SNAP25: variants seen among roughly 807,000 people sequenced by gnomAD.
SNAP25 encodes the protein synaptosomal-associated protein 25.
Under a neutral mutation model 28.7 loss-of-function variants are expected in SNAP25, and 3 were observed. That is an observed-to-expected ratio of 0.10 (90% CI 0.05 to 0.27). The LOEUF (loss-of-function observed/expected upper bound fraction) is 0.27. Ranked by LOEUF, SNAP25 falls within the 10% of genes least tolerant of loss-of-function variation. SNAP25 has a pLI of 1.00. For synonymous variants in SNAP25, 61 were observed against 88.1 expected (o/e 0.69, Z 1.72); for missense variants, 117 against 278.7 (o/e 0.42, Z 4.13).
At chr20:10,254,041 A>C (rs901108931) in intron 1 of SNAP25, among the ~76,000 whole-genome samples, 1 of 152,162 alleles carries the variant, frequency 6.6e-6, no homozygotes, top group Non-Finnish European at 1.5e-5. Flanking sequence ...GCTCAGCCTG[A>C]GCTACAAGAT....
At chr20:10,224,961 A>G (rs2062708776) in intron 1 of SNAP25, among the ~76,000 whole-genome samples, 1 of 152,054 alleles carries the variant, frequency 6.6e-6, no homozygotes, top group African/African-American at 2.4e-5. Context: ...CAAAGAGGAA[A>G]CAGAAGCTTT....
intron 5 of SNAP25, among the ~76,000 whole-genome samples, chr20:10,295,652 AAAG>A (rs1204568394): frequency 6.6e-6 from 1 of 151,462 alleles, no homozygotes; most frequent in Admixed American, 6.6e-5. Flanking sequence ...TCCTCTGGCG[AAAG>A]AAGAAGATAA....
chr20:10,293,250 T>G lies in SNAP25; in HGVS notation c.253T>G (p.Cys85Gly), dbSNP rs2064036997. 6.2e-7 allele frequency: 1 copy of G among 1,613,966 alleles called. No individual in the cohort carries two copies. Among genetic ancestry groups the G allele is most frequent in the African/African-American group, 1.3e-5 (1 of 74,902 alleles). Residue 85 changes from cysteine to glycine, a missense_variant, in exon 5 of 8, where the codon TGC (cysteine) becomes GGC (glycine). Around this residue, in one of 3 missense-constraint regions of SNAP25, gnomAD observed 88 missense variants for 206.9 expected, o/e 0.43. Transcript: ENST00000254976. The surrounding 1 kb of genome is among the most constrained non-coding windows in gnomAD (Gnocchi z 5.6). ...EKNLTDLGKFCGLCVCPCNKL... is the reference protein window; with the variant it reads ...EKNLTDLGKFGGLCVCPCNKL... Reference sequence around the variant, plus strand: ...GAATTTGACGGACCTAGGAAAATTCTGCGGGCTTTGTGTGTGTCCCTGTAA... The same window carrying G: ...GAATTTGACGGACCTAGGAAAATTCGGCGGGCTTTGTGTGTGTCCCTGTAA...
chr20:10,277,832 G>T lies in SNAP25; in HGVS notation c.114+106G>T. 2.8e-6 allele frequency: 3 copies of T among 1,052,754 alleles called. No individual in the cohort carries two copies. In the South Asian group the frequency reaches 4.0e-5, roughly 14 times the overall value. The allele number at this position is 1,052,754 out of a possible 1,614,324, so 65.2% of individuals were successfully genotyped here. A position where few individuals can be genotyped will look rare whatever the true frequency, so the allele number is the denominator to read the frequency against. On this transcript the variant is annotated intron_variant, in intron 3 of 7. Coordinates refer to ENST00000254976, the MANE Select transcript of SNAP25 (RefSeq NM_130811.4). ...TTGGGCCATGATCCCCTAGATTCCAGTGTGGATGTAGCCTATCAGAAAGGC... is the reference window on the plus strand; with the variant it reads ...TTGGGCCATGATCCCCTAGATTCCATTGTGGATGTAGCCTATCAGAAAGGC...
At chr20:10,247,639 C>T (rs992950195) in intron 1 of SNAP25, among the ~76,000 whole-genome samples, 1 of 152,166 alleles carries the variant, frequency 6.6e-6, no homozygotes, top group South Asian at 2.1e-4. Context: ...TGCATTTCTG[C>T]TCTACTTGCT....
chr20:10,230,955 G>A (rs150236978), intron 1 of SNAP25, among the ~76,000 whole-genome samples: 12 of 152,182 alleles, frequency 7.9e-5, no homozygotes, highest in African/African-American at 2.4e-4. Flanking sequence ...TTCAACAGTG[G>A]CCCAATCCCA....
At chr20:10,273,796 T>A (rs570985911) in intron 1 of SNAP25, among the ~76,000 whole-genome samples, 1 of 152,330 alleles carries the variant, frequency 6.6e-6, no homozygotes, top group East Asian at 1.9e-4. Context: ...CCATCTCCGC[T>A]ACAAGACAAG....
chr20:10,296,908 C>A lies in SNAP25; in HGVS notation c.282-17C>A. 2 of 1,613,952 alleles carry A rather than the reference C, an allele frequency of 1.2e-6. No homozygotes were observed. The highest frequency in any genetic ancestry group is 1.7e-6 in the Non-Finnish European group (2 of 1,179,956). On this transcript the variant is annotated splice_polypyrimidine_tract_variant and intron_variant, in intron 5 of 7. Coordinates refer to ENST00000254976, the MANE Select transcript of SNAP25 (RefSeq NM_130811.4). ...CTCCACCCCTGTGCCTTGTCACTCA[C>A]CCTCTCTTTTGCATAGGCTTAAATC...
chr20:10,220,494 A>T (rs2062608637), intron 1 of SNAP25, among the ~76,000 whole-genome samples: 1 of 152,172 alleles, frequency 6.6e-6, no homozygotes, highest in Non-Finnish European at 1.5e-5. Flanking sequence ...TTAAACTAGA[A>T]CTTAACTCTG....
chr20:10,299,480 A>C (rs1380279821), intron 7 of SNAP25, 68 bp downstream of exon 7: 2 of 1,487,840 alleles, frequency 1.3e-6, no homozygotes, highest in Non-Finnish European at 9.1e-7. Flanking sequence ...GGAAGTGTGA[A>C]GGGCATAACA....
At chr20:10,221,889 G>A (rs1226049316) in intron 1 of SNAP25, among the ~76,000 whole-genome samples, 1 of 152,232 alleles carries the variant, frequency 6.6e-6, no homozygotes, top group Non-Finnish European at 1.5e-5. Flanking sequence ...AAAATAATCT[G>A]AGAAAGAGGT....
At chr20:10,224,912 A>G (rs1283800300) in intron 1 of SNAP25, among the ~76,000 whole-genome samples, 1 of 151,866 alleles carries the variant, frequency 6.6e-6, no homozygotes, top group African/African-American at 2.4e-5. Flanking sequence ...TATTAGCTGC[A>G]GTTCCCTCAC....
At chr20:10,295,633 T>A (rs362991) in intron 5 of SNAP25, among the ~76,000 whole-genome samples, 16,828 of 152,022 alleles carry the variant, frequency 0.11, 1,189 homozygotes, top group East Asian at 0.19. Context: ...TTTTAATAGA[T>A]GGCTGTGGTC....
chr20:10,265,646 T>C (rs535669401), intron 1 of SNAP25, among the ~76,000 whole-genome samples: 7 of 152,192 alleles, frequency 4.6e-5, no homozygotes, highest in Admixed American at 1.3e-4. Flanking sequence ...TCAGAACCCA[T>C]GGCCCCGTGG....
At chr20:10,243,176 G>A (rs2327268) in intron 1 of SNAP25, among the ~76,000 whole-genome samples, 2,193 of 152,270 alleles carry the variant, frequency 0.014, 50 homozygotes, top group African/African-American at 0.05. Flanking sequence ...AGCCCAGGTC[G>A]TATCCTGAAC....
At chr20:10,223,653 T>C (rs2062676599) in intron 1 of SNAP25, among the ~76,000 whole-genome samples, 1 of 151,338 alleles carries the variant, frequency 6.6e-6, no homozygotes, top group South Asian at 2.1e-4. Flanking sequence ...TAGGACATGA[T>C]GAGGGGACAA....
At chr20:10,241,910 T>C (rs1196058484) in intron 1 of SNAP25, among the ~76,000 whole-genome samples, 1 of 152,144 alleles carries the variant, frequency 6.6e-6, no homozygotes, top group African/African-American at 2.4e-5. Flanking sequence ...ATCTGATTTA[T>C]CTTTCTACAA....
chr20:10,294,804 A>T (rs2123129384), intron 5 of SNAP25, among the ~76,000 whole-genome samples: 1 of 152,122 alleles, frequency 6.6e-6, no homozygotes, highest in South Asian at 2.1e-4. Context: ...AAAAAAAAAA[A>T]AAGCCTCATT....
At chr20:10,226,781 G>T (rs1041252150) in intron 1 of SNAP25, among the ~76,000 whole-genome samples, 4 of 152,020 alleles carry the variant, frequency 2.6e-5, no homozygotes, top group Admixed American at 6.6e-5. Flanking sequence ...AATATCTAAG[G>T]TATGTCTTTG....
Sources: gnomAD v4.1 joint callset for allele counts (sites outside exome capture counted in the v4.1 genomes callset) on GRCh38, gnomAD v4.1.1 for gene constraint, gnomAD v4.1.1 regional missense constraint, Gnocchi (gnomAD v3.1) non-coding constraint, MANE v1.5 for transcripts, NCBI Gene and HGNC (gene_info 2026-07-23, HGNC 2026-07-21) for gene names.